The following IDE variants were observed in gnomAD, a reference collection of about 807,000 sequenced individuals.
The protein encoded by IDE is insulin degrading enzyme.
A neutral mutation model predicts 133.2 loss-of-function variants in IDE; 58 were observed. The ratio of observed to expected loss-of-function variants is 0.44; its 90% CI spans 0.35 to 0.54. IDE has a LOEUF of 0.54. IDE is among the 20% of genes least tolerant of loss of function. The pLI is 0.00. For missense variants in IDE, 981 were observed against 1,234.0 expected (o/e 0.79, Z 3.07); for synonymous variants, 396 against 421.3 (o/e 0.94, Z 0.73).
At chr10:92,538,934 C>G (rs1483213200) in intron 1 of IDE, among the ~76,000 whole-genome samples, 1 of 152,102 alleles carries the variant, frequency 6.6e-6, no homozygotes, top group Non-Finnish European at 1.5e-5. Flanking sequence ...CTAAACAGAT[C>G]TGACTGTTCC....
At chr10:92,480,164 T>C (rs1322520564) in intron 14 of IDE, among the ~76,000 whole-genome samples, 1 of 152,270 alleles carries the variant, frequency 6.6e-6, no homozygotes, top group Non-Finnish European at 1.5e-5. Context: ...TCAGGTCCCC[T>C]GAGTTCGTGG....
chr10:92,524,689 G>A (rs562599897), intron 4 of IDE, among the ~76,000 whole-genome samples: 3 of 146,470 alleles, frequency 2.0e-5, no homozygotes, highest in Admixed American at 7.4e-5. Context: ...TTGAGAGGCC[G>A]AGGTGGGTGG....
chr10:92,570,065 G>A (rs1020371740), intron 1 of IDE, among the ~76,000 whole-genome samples: 4 of 151,594 alleles, frequency 2.6e-5, no homozygotes, highest in African/African-American at 9.7e-5. Flanking sequence ...AGCCAAGATC[G>A]TGTCACTCTC....
In IDE at chr10:92,461,272, A is replaced by G. The variant is rs1258133353; in HGVS notation, c.2762-20T>C. 1.6e-6 allele frequency: 2 copies of G among 1,226,224 alleles called. No individual in the cohort carries two copies. The highest frequency in any genetic ancestry group is 1.2e-5 in the South Asian group (1 of 82,394). The allele number at this position is 1,226,224 out of a possible 1,614,324, so 76.0% of individuals were successfully genotyped here. On this transcript the variant is annotated intron_variant, in intron 21 of 24. Coordinates refer to ENST00000265986, the MANE Select transcript of IDE (RefSeq NM_004969.4). ...TGTTATCTGAAAAAGTAATCAAACA[A>G]TATTTTACTAACATTTTCATATGAA...
chr10:92,520,267 T>C (rs1282840784), intron 4 of IDE, among the ~76,000 whole-genome samples: 1 of 152,222 alleles, frequency 6.6e-6, no homozygotes, highest in Non-Finnish European at 1.5e-5. Context: ...TATATTTTCA[T>C]TTTAACAACT....
intron 1 of IDE, among the ~76,000 whole-genome samples, chr10:92,554,266 A>G (rs1034294770): frequency 1.3e-5 from 2 of 152,216 alleles, no homozygotes; most frequent in African/African-American, 4.8e-5. Flanking sequence ...ATAGATGCAG[A>G]AAAAAGGCTA....
chr10:92,516,269 G>A (rs1432370548), intron 4 of IDE, among the ~76,000 whole-genome samples: 3 of 151,666 alleles, frequency 2.0e-5, no homozygotes, highest in Non-Finnish European at 4.4e-5. Context: ...CAAGATGGGT[G>A]GATCACCTGA....
intron 1 of IDE, among the ~76,000 whole-genome samples, chr10:92,544,523 G>C (rs1007807743): frequency 5.9e-5 from 9 of 152,178 alleles, no homozygotes; most frequent in African/African-American, 2.2e-4. Flanking sequence ...TGGAACTACA[G>C]AGAAAGAGGA....
chr10:92,552,680 G>C (rs929873788), intron 1 of IDE, among the ~76,000 whole-genome samples: 2 of 151,522 alleles, frequency 1.3e-5, no homozygotes, highest in Non-Finnish European at 2.9e-5. Context: ...CTAACATGGT[G>C]AACTCCCATC....
intron 17 of IDE, among the ~76,000 whole-genome samples, chr10:92,472,318 T>C (rs1340299417): frequency 6.6e-6 from 1 of 152,222 alleles, no homozygotes; most frequent in African/African-American, 2.4e-5. Flanking sequence ...CTTTGCTTTT[T>C]GATCATTATA....
intron 11 of IDE, among the ~76,000 whole-genome samples, chr10:92,499,528 G>A (rs1339114298): frequency 6.6e-6 from 1 of 152,016 alleles, no homozygotes; most frequent in Non-Finnish European, 1.5e-5. Flanking sequence ...CACCTCCTGG[G>A]CTCAAGTGAT....
intron 1 of IDE, among the ~76,000 whole-genome samples, chr10:92,542,187 G>A (rs1027703508): frequency 1.3e-5 from 2 of 151,968 alleles, no homozygotes; most frequent in African/African-American, 4.8e-5. Flanking sequence ...TCTACTTTTT[G>A]AGACAAGGTT....
intron 22 of IDE, among the ~76,000 whole-genome samples, chr10:92,460,833 C>T (rs778018462): frequency 6.6e-6 from 1 of 152,206 alleles, no homozygotes; most frequent in Non-Finnish European, 1.5e-5. Flanking sequence ...CAATATAGCA[C>T]ATACAATAGG....
chr10:92,567,043 G>A (rs78252403), intron 1 of IDE, among the ~76,000 whole-genome samples: 3,175 of 152,192 alleles, frequency 0.021, 49 homozygotes, highest in Admixed American at 0.052. Context: ...ACTAGTCCCT[G>A]AGCTACCAAT....
intron 4 of IDE, among the ~76,000 whole-genome samples, chr10:92,530,450 T>C (rs571586428): frequency 1.3e-5 from 2 of 151,528 alleles, no homozygotes; most frequent in African/African-American, 4.8e-5. Context: ...CATGCCTGGC[T>C]AATTATTTTA....
At chr10:92,457,852 C>T (rs1010832237) in intron 22 of IDE, among the ~76,000 whole-genome samples, 1 of 152,202 alleles carries the variant, frequency 6.6e-6, no homozygotes, top group Non-Finnish European at 1.5e-5. Context: ...CTACTCCCTG[C>T]CAGCAGGCAA....
chr10:92,497,554 A>G (rs1230367314), intron 11 of IDE: 1 of 166,962 alleles, frequency 6.0e-6, no homozygotes, highest in Non-Finnish European at 1.2e-5. Flanking sequence ...TATACCTAAC[A>G]GGAGTTGGAT....
At position 92,574,069 on chromosome 10, in the gene IDE, C is replaced by T; in HGVS notation, c.-50G>A. The T allele has an allele frequency of 1.4e-6, 2 of 1,421,148 alleles. No individual in the cohort carries two copies. Among genetic ancestry groups the T allele is most frequent in the Admixed American group, 2.3e-5 (1 of 42,588 alleles). The allele number at this position is 1,421,148 out of a possible 1,614,324, so 88.0% of individuals were successfully genotyped here. ...CCGCAAACGCTTCCTGCTTGCGCTT[C>T]GAGCCGGCCCTGCGCACTGCGCATG... On this transcript the variant is annotated 5_prime_UTR_variant, in exon 1 of 25. Coordinates refer to ENST00000265986, the MANE Select transcript of IDE (RefSeq NM_004969.4).
rs560477428 is a variant in IDE at position 92,464,228 on chromosome 10, AG to A, written c.2489-226del. On this transcript the variant is annotated intron_variant, in intron 20 of 24. Coordinates refer to ENST00000265986, the MANE Select transcript of IDE (RefSeq NM_004969.4). ...TTGGAGATGACTTTTTCTTCTTCTT[AG>A]GAAAAAAATCCTATTCATTATTCAA... Among the ~76,000 whole-genome samples, 825 of 152,324 alleles carry A rather than the reference AG, an allele frequency of 5.4e-3. 14 individuals carry two copies. Among genetic ancestry groups the A allele is most frequent in the East Asian group, 0.035 (181 of 5,184 alleles).
Sources: allele counts gnomAD v4.1 joint callset (sites outside exome capture counted in the v4.1 genomes callset), GRCh38; gene constraint gnomAD v4.1.1; transcripts MANE v1.5; gene names NCBI Gene and HGNC (gene_info 2026-07-23, HGNC 2026-07-21).